Variants in TAF5L observed in about 807,000 individuals in gnomAD.
The protein encoded by TAF5L is TATA-box binding protein associated factor 5 like.
TAF5L carries 7 observed loss-of-function variants against 51.3 expected under a neutral mutation model. That is an observed-to-expected ratio of 0.14 (90% CI 0.08 to 0.26). The LOEUF (loss-of-function observed/expected upper bound fraction) is 0.26. Among genes scored for constraint, TAF5L ranks in the 10% least tolerant of loss-of-function variants. TAF5L has a pLI of 1.00. For synonymous variants in TAF5L, 291 were observed against 308.1 expected, an observed-to-expected ratio of 0.94 and a Z score of 0.58; for missense variants, 575 against 758.9, an observed-to-expected ratio of 0.76 and a Z score of 2.85.
intron 3 of TAF5L, chr1:229,607,540 C>G (rs1664640902): frequency 1.0e-6 from 1 of 953,814 alleles, no homozygotes; most frequent in Non-Finnish European, 1.2e-6. Flanking sequence ...CTCAATCCAT[C>G]CTTCAAGTGC....
chr1:229,600,587 G>A, intron 4 of TAF5L: 3 of 985,422 alleles, frequency 3.0e-6, no homozygotes, highest in Non-Finnish European at 3.6e-6. Context: ...CCCTAGTTTG[G>A]CCGCCATAAT....
intron 2 of TAF5L, among the ~76,000 whole-genome samples, chr1:229,610,675 T>C (rs1011979830): frequency 1.3e-5 from 2 of 152,176 alleles, no homozygotes; most frequent in African/African-American, 4.8e-5. Context: ...ACTCCTACAA[T>C]TTCAAGGTCG....
chr1:229,599,155 A>G (rs567876944), intron 4 of TAF5L: 1 of 660,834 alleles, frequency 1.5e-6, no homozygotes, highest in Non-Finnish European at 1.9e-6. Flanking sequence ...GTTAACCTAG[A>G]TGATCTTTAA....
intron 4 of TAF5L, chr1:229,601,030 A>T: frequency 1.0e-6 from 1 of 983,330 alleles, no homozygotes; most frequent in Non-Finnish European, 1.2e-6. Context: ...TTGAAAATTC[A>T]AATACAAATG....
At chr1:229,595,783 A>G (rs1042584975) in intron 4 of TAF5L, among the ~76,000 whole-genome samples, 2 of 152,112 alleles carry the variant, frequency 1.3e-5, no homozygotes, top group Non-Finnish European at 1.5e-5. Context: ...CTCCTGCCTC[A>G]GCATCCCAAG....
At chr1:229,605,108 G>GTATGTGTATATATATATA (rs1553270421) in intron 3 of TAF5L, among the ~76,000 whole-genome samples, 24 of 118,610 alleles carry the variant, frequency 2.0e-4, no homozygotes, top group African/African-American at 7.0e-4. Flanking sequence ...ATTTTTGTAT[G>GTATGTGTATATATATATA]TATATATATA....
chr1:229,602,364 T>A lies in TAF5L; in HGVS notation c.803A>T (p.Glu268Val). 6.2e-7 allele frequency: 1 copy of A among 1,614,140 alleles called. No individual in the cohort carries two copies. Among genetic ancestry groups the A allele is most frequent in the East Asian group, 2.2e-5 (1 of 44,884 alleles). ...GATTTCTGCAGTGTTCAACAGCTGCTCTGTGTTATAGAAGGCATAGAAGCA... is the reference window on the plus strand; with the variant it reads ...GATTTCTGCAGTGTTCAACAGCTGCACTGTGTTATAGAAGGCATAGAAGCA... The change falls in exon 4 of 5, where the codon GAG becomes GTG. Residue 268 changes from glutamate (E) to valine (V), a missense_variant. Coordinates refer to ENST00000258281, the Ensembl canonical transcript of TAF5L. The surrounding 1 kb of genome is among the most constrained non-coding windows in gnomAD (Gnocchi z 4.6).
Position 229,606,677 on chromosome 1 carries a change from T to C in TAF5L, c.247+3429A>G, listed in dbSNP as rs983541633. The C allele has an allele frequency of 4.1e-6, 4 of 985,308 alleles. No homozygotes were observed. The Admixed American group carries it at 1.8e-4, about 45-fold the overall frequency. The allele number at this position is 985,308 out of a possible 1,614,324, so 61.0% of individuals were successfully genotyped here. ...GTCAATCCTCAAATGCTCATTTCACTTTAAAGAATTAACACTGGGTGTGTG... is the reference window on the plus strand; with the variant it reads ...GTCAATCCTCAAATGCTCATTTCACCTTAAAGAATTAACACTGGGTGTGTG... On this transcript the variant is annotated intron_variant, in intron 3 of 4. Transcript: ENST00000258281.
At chr1:229,623,161 G>A (rs1275445932) in intron 1 of TAF5L, among the ~76,000 whole-genome samples, 1 of 152,108 alleles carries the variant, frequency 6.6e-6, no homozygotes, top group African/African-American at 2.4e-5. Context: ...GTAGTCCCAG[G>A]TACTGGGGAG....
intron 4 of TAF5L, chr1:229,599,931 A>G: frequency 1.5e-5 from 15 of 985,490 alleles, no homozygotes; most frequent in Non-Finnish European, 1.7e-5. Flanking sequence ...TGACTTACAT[A>G]GTGATTTTGT....
chr1:229,617,259 T>C (rs1377793723), intron 1 of TAF5L, among the ~76,000 whole-genome samples: 1 of 152,214 alleles, frequency 6.6e-6, no homozygotes, highest in Non-Finnish European at 1.5e-5. Context: ...CCCTGCAGAT[T>C]CTGGTTGTGT....
chr1:229,616,939 A>G (rs1286633107), intron 1 of TAF5L, among the ~76,000 whole-genome samples: 1 of 152,236 alleles, frequency 6.6e-6, no homozygotes, highest in African/African-American at 2.4e-5. Flanking sequence ...AAGAAGGAAC[A>G]CTATGGTTGT....
At chr1:229,596,839 G>C (rs1398929755) in intron 4 of TAF5L, among the ~76,000 whole-genome samples, 1 of 152,150 alleles carries the variant, frequency 6.6e-6, no homozygotes, top group Non-Finnish European at 1.5e-5. Context: ...GTTCATTGTG[G>C]CAGCCTTAGG....
intron 4 of TAF5L, chr1:229,600,218 A>G: frequency 1.0e-6 from 1 of 985,456 alleles, no homozygotes; most frequent in Non-Finnish European, 1.2e-6. Flanking sequence ...AGAAACCAAA[A>G]AGAAAACTTC....
chr1:229,622,589 GTAAAA>G (rs1026293701), intron 1 of TAF5L, among the ~76,000 whole-genome samples: 3 of 152,058 alleles, frequency 2.0e-5, no homozygotes, highest in Admixed American at 6.5e-5. Flanking sequence ...AAAAATAAAA[GTAAAA>G]TAAAATAAAA....
At chr1:229,605,130 T>A (rs1433349713) in intron 3 of TAF5L, among the ~76,000 whole-genome samples, 2 of 146,934 alleles carry the variant, frequency 1.4e-5, no homozygotes, top group African/African-American at 5.2e-5. Context: ...ATATATGTAT[T>A]TTTTTTTTAG....
At chr1:229,601,991 G>A (rs1182853710) in intron 4 of TAF5L, 3 of 1,403,396 alleles carry the variant, frequency 2.1e-6, no homozygotes, top group Non-Finnish European at 2.8e-6. Flanking sequence ...TTAATAAGAA[G>A]TTAATGCTGC....
intron 1 of TAF5L, among the ~76,000 whole-genome samples, chr1:229,618,519 C>T (rs931359093): frequency 6.6e-6 from 1 of 152,118 alleles, no homozygotes; most frequent in African/African-American, 2.4e-5. Flanking sequence ...TATATCTATT[C>T]TCATGTATCA....
chr1:229,605,108 G>GTA (rs3085931), intron 3 of TAF5L, among the ~76,000 whole-genome samples: 3,552 of 118,612 alleles, frequency 0.03, 48 homozygotes, highest in African/African-American at 0.029. Flanking sequence ...ATTTTTGTAT[G>GTA]TATATATATA....
Sources: allele counts gnomAD v4.1 joint callset (sites outside exome capture counted in the v4.1 genomes callset), GRCh38; gene constraint gnomAD v4.1.1; non-coding constraint Gnocchi (gnomAD v3.1); transcripts MANE v1.5; gene names NCBI Gene and HGNC (gene_info 2026-07-23, HGNC 2026-07-21).